MYH10: variants seen among roughly 807,000 people sequenced by gnomAD.
The protein encoded by MYH10 is myosin-10.
A neutral mutation model predicts 257.8 loss-of-function variants in MYH10; 55 were observed. The observed-to-expected ratio is 0.21, with a 90% CI of 0.17 to 0.27. The LOEUF is 0.27. Among genes scored for constraint, MYH10 ranks in the 10% least tolerant of loss-of-function variants. The pLI, the probability that MYH10 is intolerant of heterozygous loss-of-function variation, is 1.00. For missense variants in MYH10, 1,631 were observed against 2,500.6 expected, an observed-to-expected ratio of 0.65 and a Z score of 7.42; for synonymous variants, 854 against 921.7, an observed-to-expected ratio of 0.93 and a Z score of 1.33.
At chr17:8,493,111 G>A in intron 32 of MYH10, 87 bp from the exon 33 acceptor site, 1 of 1,468,542 alleles carries the variant, frequency 6.8e-7, no homozygotes, top group Non-Finnish European at 9.1e-7. Context: ...TGTAATCCCA[G>A]CACTTTGGGA....
Position 8,535,523 on chromosome 17 carries a change from A to C in MYH10, c.1780-22T>G. The C allele has an allele frequency of 1.9e-6, 3 of 1,575,070 alleles. No homozygotes were observed. The highest frequency in any genetic ancestry group is 2.6e-6 in the Non-Finnish European group (3 of 1,156,056). ...CCACCTATCCCGCACCAAAGCCAAA[A>C]GTGGTGAAATGGAGAACACAAAACC... On this transcript the variant is annotated intron_variant, in intron 15 of 42. Coordinates refer to ENST00000360416, the MANE Select transcript of MYH10 (RefSeq NM_001256012.3). The surrounding 1 kb of genome is among the most constrained non-coding windows in gnomAD (Gnocchi z 4.3).
At chr17:8,556,039 C>T (rs1190742101) in intron 7 of MYH10, among the ~76,000 whole-genome samples, 2 of 152,192 alleles carry the variant, frequency 1.3e-5, no homozygotes, top group Admixed American at 6.5e-5. Context: ...AAAAGATGTA[C>T]ACTATCATTA....
chr17:8,500,720 C>T, intron 29 of MYH10, 106 bp downstream of exon 29: 1 of 1,377,406 alleles, frequency 7.3e-7, no homozygotes, highest in Non-Finnish European at 9.7e-7. Flanking sequence ...CGTACAGAGG[C>T]TGGAGCCTAA....
rs73973150 is a variant in MYH10 at position 8,533,512 on chromosome 17, C to A, written c.1894+1875G>T. ...CACTCCTAGAGTCAGTTCATGCAAA[C>A]CTTCTTACCCGTTTAAGGCATAACC... On this transcript the variant is annotated intron_variant, in intron 16 of 42. Coordinates refer to ENST00000360416, the MANE Select transcript of MYH10 (RefSeq NM_001256012.3). 8.9e-3 allele frequency among the ~76,000 whole-genome samples: 1,351 copies of A among 152,272 alleles called. 16 individuals carry two copies. Among genetic ancestry groups the A allele is most frequent in the African/African-American group, 0.031 (1,296 of 41,540 alleles).
At chr17:8,511,684 T>C (rs922326014) in intron 24 of MYH10, among the ~76,000 whole-genome samples, 2 of 152,116 alleles carry the variant, frequency 1.3e-5, no homozygotes, top group African/African-American at 4.8e-5. Context: ...AAAATGAGTG[T>C]TTTCTTGTAA....
intron 32 of MYH10, 87 bp downstream of exon 32, chr17:8,493,646 G>A: frequency 9.0e-6 from 13 of 1,438,762 alleles, no homozygotes; most frequent in Non-Finnish European, 1.2e-5. Flanking sequence ...TGTCCCAAAT[G>A]GAGCTGAGAC....
chr17:8,568,672 G>A (rs2083239290), intron 7 of MYH10, among the ~76,000 whole-genome samples: 1 of 152,078 alleles, frequency 6.6e-6, no homozygotes, highest in Non-Finnish European at 1.5e-5. Flanking sequence ...AACAGTGGAA[G>A]GGGTTTCTGA....
chr17:8,624,464 A>C (rs1381907050), intron 1 of MYH10, among the ~76,000 whole-genome samples: 1 of 152,220 alleles, frequency 6.6e-6, no homozygotes, highest in Non-Finnish European at 1.5e-5. Flanking sequence ...AACCAACAGA[A>C]GAAGCCAACT....
chr17:8,485,302 G>T (rs916165353), intron 36 of MYH10, among the ~76,000 whole-genome samples: 1 of 151,736 alleles, frequency 6.6e-6, no homozygotes, highest in Non-Finnish European at 1.5e-5. Context: ...TGTATACCAA[G>T]AACTACAAAA....
chr17:8,575,330 A>G (rs2083465651), intron 6 of MYH10, among the ~76,000 whole-genome samples: 1 of 152,260 alleles, frequency 6.6e-6, no homozygotes, highest in Non-Finnish European at 1.5e-5. Context: ...ATTGCTTAAC[A>G]TTATTTCAAT....
chr17:8,563,301 A>G (rs2083056606), intron 7 of MYH10, among the ~76,000 whole-genome samples: 1 of 152,244 alleles, frequency 6.6e-6, no homozygotes, highest in Non-Finnish European at 1.5e-5. Context: ...AAGTGGCCTC[A>G]TTACTTAGTA....
intron 1 of MYH10, among the ~76,000 whole-genome samples, chr17:8,629,935 C>T (rs1197601270): frequency 6.6e-6 from 1 of 151,900 alleles, no homozygotes; most frequent in Non-Finnish European, 1.5e-5. Context: ...CGGCCGGCTC[C>T]GGAGCCCCTC....
In MYH10 at chr17:8,506,197, C is replaced by A; in HGVS notation, c.3386+121G>T. 2 of 1,062,074 alleles carry A rather than the reference C, an allele frequency of 1.9e-6. No individual in the cohort carries two copies. Among genetic ancestry groups the A allele is most frequent in the South Asian group, 3.8e-5 (2 of 51,982 alleles). 65.8% of individuals were successfully genotyped at this position (1,062,074 alleles called of 1,614,324 possible). A position where few individuals can be genotyped will look rare whatever the true frequency, so the allele number is the denominator to read the frequency against. Reference sequence around the variant, plus strand: ...GGGCTTTTCACTTTCTCAGGTCACACCAAACAGCAAGCAAACCCCATCTCA... The same window carrying A: ...GGGCTTTTCACTTTCTCAGGTCACAACAAACAGCAAGCAAACCCCATCTCA... On this transcript the variant is annotated intron_variant, in intron 27 of 42. Transcript: ENST00000360416. The surrounding 1 kb of genome is among the most constrained non-coding windows in gnomAD (Gnocchi z 5.0).
Position 8,477,051 on chromosome 17 carries a change from T to TGG in MYH10, c.5707-5_5707-4dup, listed in dbSNP as rs771893916. On this transcript the variant is annotated splice_region_variant and splice_polypyrimidine_tract_variant and intron_variant, in intron 41 of 42. Coordinates refer to ENST00000360416, the MANE Select transcript of MYH10 (RefSeq NM_001256012.3). The surrounding 1 kb of genome is among the most constrained non-coding windows in gnomAD (Gnocchi z 4.2). The stretch of plus-strand genomic sequence containing the variant: ...ATCCGAGCGTTGGCCTTCTCCATCT[T>TGG]GGGGAGGGTACATGAACCAAAACAA... The TGG allele has an allele frequency of 1.9e-6, 3 of 1,613,950 alleles. No homozygotes were observed. Among genetic ancestry groups the TGG allele is most frequent in the Non-Finnish European group, 2.5e-6 (3 of 1,180,004 alleles).
chr17:8,580,899 G>A (rs73973170), intron 4 of MYH10, among the ~76,000 whole-genome samples: 1 of 152,182 alleles, frequency 6.6e-6, no homozygotes, highest in African/African-American at 2.4e-5. Flanking sequence ...AAGGAATGCT[G>A]CAAAAGACAC....
In MYH10 at chr17:8,577,317, C is replaced by T; in HGVS notation, c.552G>A (p.Lys184=). ...ILCTGESGAG[K]TENTKKVIQY... is the part of the protein sequence containing the mutation. Reference sequence around the variant, plus strand: ...GAATAACTTTCTTTGTATTTTCTGTCTTCCCAGCACCTGACTCACCCCTGA... The same window carrying T: ...GAATAACTTTCTTTGTATTTTCTGTTTTCCCAGCACCTGACTCACCCCTGA... Residue 184 remains lysine (K), a synonymous_variant, in exon 5 of 43, where the codon AAG becomes AAA. Transcript: ENST00000360416. The T allele has an allele frequency of 6.2e-7, 1 of 1,610,270 alleles. No homozygotes were observed. Among genetic ancestry groups the T allele is most frequent in the Non-Finnish European group, 8.5e-7 (1 of 1,177,516 alleles).
In MYH10 at chr17:8,475,830, C is replaced by T. The variant is rs377519657; in HGVS notation, c.5998G>A (p.Glu2000Lys). The T allele has an allele frequency of 6.2e-6, 10 of 1,614,052 alleles. No individual in the cohort carries two copies. The highest frequency in any genetic ancestry group is 1.7e-5 in the Admixed American group (1 of 60,000). Residue 2000 changes from glutamate (E) to lysine (K), a missense_variant, in exon 43 of 43, where the codon GAG (glutamate) becomes AAG (lysine). Around this residue, in one of 11 missense-constraint regions of MYH10, gnomAD observed 343 missense variants for 389.5 expected, o/e 0.88. Transcript: ENST00000360416. ...DTESKTSDVN[E>K]TQPPQSE ...TACTCTGACTGGGGTGGCTGCGTCT[C>T]GTTGACATCACTGGTCTTACTTTCT... is the stretch of plus-strand genomic sequence containing the variant.
chr17:8,600,428 C>CAATA (rs1444523368), intron 3 of MYH10, among the ~76,000 whole-genome samples: 1 of 152,076 alleles, frequency 6.6e-6, no homozygotes, highest in African/African-American at 2.4e-5. Context: ...ATTGGACTAC[C>CAATA]AATATGGAAG....
At chr17:8,555,065 C>T (rs189887868) in intron 7 of MYH10, among the ~76,000 whole-genome samples, 25 of 152,008 alleles carry the variant, frequency 1.6e-4, no homozygotes, top group Admixed American at 2.0e-4. Flanking sequence ...GATCACACCA[C>T]TGCACTCCAG....
Sources: allele counts gnomAD v4.1 joint callset (sites outside exome capture counted in the v4.1 genomes callset), GRCh38; gene constraint gnomAD v4.1.1; regional missense constraint gnomAD v4.1.1; non-coding constraint Gnocchi (gnomAD v3.1); transcripts MANE v1.5; gene names NCBI Gene and HGNC (gene_info 2026-07-23, HGNC 2026-07-21).